KAT14: variants seen among roughly 807,000 people sequenced by gnomAD.
KAT14 encodes lysine acetyltransferase 14, also known as cysteine-rich protein 2-binding protein.
Under a neutral mutation model 78.4 loss-of-function variants are expected in KAT14, and 66 were observed. The ratio of observed to expected loss-of-function variants is 0.84; its 90% CI spans 0.69 to 1.03. The LOEUF (loss-of-function observed/expected upper bound fraction) is 1.03, where lower values mean the gene tolerates loss of function less well. Ranked by LOEUF, KAT14 falls within the 50% of genes least tolerant of loss-of-function variation. The probability of loss-of-function intolerance (pLI) is 0.00; values close to 1 mark genes in which losing one functional copy is unlikely to be tolerated. For missense variants in KAT14, 870 were observed against 972.5 expected, an observed-to-expected ratio of 0.89 and a Z score of 1.40; for synonymous variants, 344 against 359.4, an observed-to-expected ratio of 0.96 and a Z score of 0.48.
At position 18,168,484 on chromosome 20, in the gene KAT14, T is replaced by C. The variant is rs374856034; in HGVS notation, c.1668+5539T>C. Among the ~76,000 whole-genome samples the C allele has an allele frequency of 1.7e-4, 26 of 152,248 alleles. No individual in the cohort carries two copies. The South Asian group carries it at 3.9e-3, about 23-fold the overall frequency. ...CAGAGGTTACAGTGAGCTGAGATCA[T>C]GCCACTGCACTCCAGCGTGGGTGAT... On this transcript the variant is annotated intron_variant, in intron 7 of 10. Coordinates refer to ENST00000688188, the MANE Select transcript of KAT14 (RefSeq NM_001392073.1).
chr20:18,170,921 GTAT>G (rs1420633595), intron 7 of KAT14, among the ~76,000 whole-genome samples: 1 of 152,166 alleles, frequency 6.6e-6, no homozygotes, highest in African/African-American at 2.4e-5. Context: ...TTTAAGATTA[GTAT>G]TATTTTCATG....
intron 4 of KAT14, among the ~76,000 whole-genome samples, chr20:18,155,711 G>A (rs1600223390): frequency 6.6e-6 from 1 of 152,178 alleles, no homozygotes; most frequent in African/African-American, 2.4e-5. Flanking sequence ...TGCCTCTTAG[G>A]ATGACAATTA....
At chr20:18,172,212 C>T (rs2038869594) in intron 7 of KAT14, among the ~76,000 whole-genome samples, 1 of 151,362 alleles carries the variant, frequency 6.6e-6, no homozygotes, top group Admixed American at 6.6e-5. Context: ...AGCGATTCTT[C>T]TGCCTCAGCC....
chr20:18,138,552 A>T (rs2037392303), intron 1 of KAT14: 1 of 749,784 alleles, frequency 1.3e-6, no homozygotes, highest in African/African-American at 1.9e-5. Flanking sequence ...ATTTTATCCC[A>T]TGGTAAGGGA....
At chr20:18,145,649 T>A (rs748158694) in intron 3 of KAT14, among the ~76,000 whole-genome samples, 3 of 151,986 alleles carry the variant, frequency 2.0e-5, no homozygotes, top group Non-Finnish European at 4.4e-5. Context: ...GCTATGGTGG[T>A]GGGCCCCTGT....
Position 18,187,731 on chromosome 20 carries a change from C to A in KAT14, c.*272C>A. On this transcript the variant is annotated 3_prime_UTR_variant, in exon 11 of 11. Coordinates refer to ENST00000688188, the MANE Select transcript of KAT14 (RefSeq NM_001392073.1). ...GAATGATGTCGTGATTCTCCCTCCA[C>A]CTGACAGTTTGTAAGAGTGAAAGAG... 2.3e-6 allele frequency: 1 copy of A among 441,840 alleles called. No homozygotes were observed. The highest frequency in any genetic ancestry group is 4.0e-6 in the Non-Finnish European group (1 of 249,760). 27.4% of individuals were successfully genotyped at this position (441,840 alleles called of 1,614,324 possible).
upstream of KAT14, chr20:18,137,814 C>G (rs936210128): frequency 4.7e-5 from 41 of 866,294 alleles, no homozygotes; most frequent in Non-Finnish European, 6.6e-5. Flanking sequence ...TCACGCCTGG[C>G]AGCGGCGAGC....
chr20:18,183,116 A>G lies in KAT14; in HGVS notation c.1806-7A>G. 1.2e-6 allele frequency: 2 copies of G among 1,603,188 alleles called. No homozygotes were observed. Among genetic ancestry groups the G allele is most frequent in the South Asian group, 2.2e-5 (2 of 89,514 alleles). ...CTTGAATTTGTTTATCTTCTGTGGT[A>G]CCGGAGGCGTGATTATGAAACAAAG... is the stretch of plus-strand genomic sequence containing the variant. On this transcript the variant is annotated splice_region_variant and splice_polypyrimidine_tract_variant and intron_variant, in intron 8 of 10. Coordinates refer to ENST00000688188, the MANE Select transcript of KAT14 (RefSeq NM_001392073.1).
chr20:18,159,363 A>G (rs891468737), intron 5 of KAT14, 98 bp downstream of exon 5: 1 of 1,401,282 alleles, frequency 7.1e-7, no homozygotes, highest in South Asian at 1.4e-5. Flanking sequence ...CATGGCTCGC[A>G]GGCCTCTCTG....
chr20:18,156,234 G>T (rs141601159), intron 4 of KAT14, among the ~76,000 whole-genome samples: 3 of 152,190 alleles, frequency 2.0e-5, no homozygotes, highest in African/African-American at 7.2e-5. Flanking sequence ...AGCACTTGGC[G>T]GGGAGGGTGG....
intron 1 of KAT14, among the ~76,000 whole-genome samples, chr20:18,140,818 C>CAAAAAAAAAAAAAAAAAAAAAAAAA (rs1157203058): frequency 1.3e-5 from 1 of 79,064 alleles, no homozygotes; most frequent in African/African-American, 5.1e-5. Context: ...GACTCCTTCT[C>CAAAAAAAAAAAAAAAAAAAAAAAAA]AAAAAAAAAA....
chr20:18,179,150 C>G (rs1256138693), intron 7 of KAT14, among the ~76,000 whole-genome samples: 1 of 152,332 alleles, frequency 6.6e-6, no homozygotes, highest in Non-Finnish European at 1.5e-5. Flanking sequence ...CAGCTCCACC[C>G]CTGTGGCTTT....
At chr20:18,174,004 C>G (rs1389081218) in intron 7 of KAT14, among the ~76,000 whole-genome samples, 2 of 152,182 alleles carry the variant, frequency 1.3e-5, no homozygotes, top group African/African-American at 4.8e-5. Context: ...ATTCCTACTG[C>G]CCATGAATTG....
chr20:18,151,794 A>C (rs898884733), intron 4 of KAT14, among the ~76,000 whole-genome samples: 2 of 150,580 alleles, frequency 1.3e-5, no homozygotes, highest in African/African-American at 4.9e-5. Context: ...ACCTGAGGTC[A>C]GGAGTTCAAG....
intron 4 of KAT14, among the ~76,000 whole-genome samples, chr20:18,151,344 C>G (rs533976301): frequency 6.6e-6 from 1 of 152,134 alleles, no homozygotes; most frequent in Non-Finnish European, 1.5e-5. Flanking sequence ...TTACAGGCAC[C>G]TGCCACTATG....
intron 8 of KAT14, among the ~76,000 whole-genome samples, 158 bp from the exon 9 acceptor site, chr20:18,182,965 C>G (rs2039315333): frequency 6.6e-6 from 1 of 152,142 alleles, no homozygotes; most frequent in Non-Finnish European, 1.5e-5. Context: ...AGATTTCATA[C>G]ATAAAAGTAT....
At chr20:18,183,883 GC>G (rs918387025) in intron 9 of KAT14, among the ~76,000 whole-genome samples, 9 of 152,120 alleles carry the variant, frequency 5.9e-5, no homozygotes, top group African/African-American at 1.9e-4. Flanking sequence ...GCTTTCCCAC[GC>G]TGCCTTGAAA....
intron 1 of KAT14, among the ~76,000 whole-genome samples, chr20:18,140,102 A>G (rs1052624373): frequency 1.3e-5 from 2 of 151,974 alleles, no homozygotes; most frequent in South Asian, 2.1e-4. Context: ...TCATAAGCAC[A>G]CGTGACATCT....
intron 7 of KAT14, among the ~76,000 whole-genome samples, chr20:18,176,981 T>C (rs896949372): frequency 1.3e-5 from 2 of 152,162 alleles, no homozygotes; most frequent in Admixed American, 6.5e-5. Flanking sequence ...CTGTATAACT[T>C]TGATGGAGCT....
Sources: allele counts gnomAD v4.1 joint callset (sites outside exome capture counted in the v4.1 genomes callset), GRCh38; gene constraint gnomAD v4.1.1; transcripts MANE v1.5; gene names NCBI Gene and HGNC (gene_info 2026-07-23, HGNC 2026-07-21).